NYAP2: variants seen among roughly 807,000 people sequenced by gnomAD.
The protein encoded by NYAP2 is neuronal tyrosine-phosphorylated phosphoinositide-3-kinase adapter 2.
Under a neutral mutation model 50.4 loss-of-function variants are expected in NYAP2, and 23 were observed. That is an observed-to-expected ratio of 0.46 (90% CI 0.33 to 0.65). The LOEUF is 0.65. Among genes scored for constraint, NYAP2 ranks in the 30% least tolerant of loss-of-function variants. NYAP2 has a pLI of 0.02. For synonymous variants in NYAP2, 394 were observed against 365.2 expected, an observed-to-expected ratio of 1.08 and a Z score of -0.90; for missense variants, 885 against 861.0, an observed-to-expected ratio of 1.03 and a Z score of -0.35.
Position 225,582,146 on chromosome 2 carries a change from C to T in NYAP2, c.729C>T (p.Pro243=). Residue 243 remains proline, a synonymous_variant, in exon 5 of 7, where the codon CCC becomes CCT. Coordinates refer to ENST00000636099, the Ensembl canonical transcript of NYAP2. This position sits in a 1 kb window ranked among gnomAD's most constrained non-coding sequence, Gnocchi z 7.0. ...CGGGAGACCCCGAGGAAGAGGAGCCCGTGTACATCGAGATGGTGGGGAACA... is the reference window on the plus strand; with the variant it reads ...CGGGAGACCCCGAGGAAGAGGAGCCTGTGTACATCGAGATGGTGGGGAACA... 5.0e-6 allele frequency: 8 copies of T among 1,613,950 alleles called. No homozygotes were observed. Among genetic ancestry groups the T allele is most frequent in the Non-Finnish European group, 5.9e-6 (7 of 1,179,836 alleles).
chr2:225,465,457 C>T (rs1689901453), intron 3 of NYAP2, among the ~76,000 whole-genome samples: 1 of 152,076 alleles, frequency 6.6e-6, no homozygotes. Context: ...TGGCTCATGC[C>T]TGTAATCACA....
intron 5 of NYAP2, among the ~76,000 whole-genome samples, chr2:225,594,072 G>A (rs1430562910): frequency 2.0e-5 from 3 of 152,012 alleles, no homozygotes; most frequent in Non-Finnish European, 4.4e-5. Context: ...AATCATCATC[G>A]GTTTCGGTAC....
chr2:225,626,330 A>G (rs900459725), intron 5 of NYAP2, among the ~76,000 whole-genome samples: 4 of 152,238 alleles, frequency 2.6e-5, no homozygotes, highest in African/African-American at 9.6e-5. Context: ...TGGCTAAGCT[A>G]GCACCTCGGG....
the NYAP2 span, among the ~76,000 whole-genome samples, chr2:225,665,086 T>C: frequency 2.0e-5 from 3 of 152,216 alleles, no homozygotes; most frequent in African/African-American, 7.2e-5. Context: ...TATAGAATTT[T>C]ACCTTTGCAA....
chr2:225,666,865 A>G, the NYAP2 span, among the ~76,000 whole-genome samples: 1 of 122,294 alleles, frequency 8.2e-6, no homozygotes, highest in African/African-American at 3.8e-5. Flanking sequence ...CACCCCCCCA[A>G]CACACACACA....
Position 225,549,785 on chromosome 2 carries a change from C to T in NYAP2, c.524-32156C>T, listed in dbSNP as rs143589246. ...TCACCTGAGGTCAGGAGTTCAAAACCACCCTGGCCAACATGGTGAAACCCC... is the reference window on the plus strand; with the variant it reads ...TCACCTGAGGTCAGGAGTTCAAAACTACCCTGGCCAACATGGTGAAACCCC... On this transcript the variant is annotated intron_variant, in intron 4 of 6. Transcript: ENST00000636099. 5.5e-3 allele frequency among the ~76,000 whole-genome samples: 835 copies of T among 152,070 alleles called. 11 individuals carry two copies. Among genetic ancestry groups the T allele is most frequent in the African/African-American group, 0.019 (802 of 41,470 alleles).
intron 3 of NYAP2, among the ~76,000 whole-genome samples, chr2:225,477,514 G>A (rs1237099412): frequency 6.6e-6 from 1 of 152,030 alleles, no homozygotes; most frequent in African/African-American, 2.4e-5. Context: ...GGGATTACAG[G>A]TGTGAGCCAC....
At chr2:225,700,305 A>ATG in the NYAP2 span, 11,431 of 151,010 alleles carry the variant, frequency 0.076, 488 homozygotes, top group East Asian at 0.24. Context: ...GCGTGCGTGC[A>ATG]TGTGTGTGTG....
intron 3 of NYAP2, among the ~76,000 whole-genome samples, chr2:225,446,240 CTCTCTCTA>C (rs1464859006): frequency 7.4e-5 from 8 of 108,354 alleles, no homozygotes; most frequent in African/African-American, 1.1e-4. Context: ...CTCTCTCTCT[CTCTCTCTA>C]TATATATATA....
At chr2:225,487,676 G>A (rs1690328506) in intron 3 of NYAP2, among the ~76,000 whole-genome samples, 1 of 152,084 alleles carries the variant, frequency 6.6e-6, no homozygotes, top group Non-Finnish European at 1.5e-5. Context: ...CAACCTGATA[G>A]ATTTTATTTA....
At chr2:225,640,333 A>G (rs1033905413) in intron 6 of NYAP2, among the ~76,000 whole-genome samples, 2 of 152,162 alleles carry the variant, frequency 1.3e-5, no homozygotes, top group Admixed American at 1.3e-4. Flanking sequence ...CATGTTACAC[A>G]TGTGTTTTTG....
At chr2:225,605,508 T>C (rs1430238756) in intron 5 of NYAP2, among the ~76,000 whole-genome samples, 1 of 152,152 alleles carries the variant, frequency 6.6e-6, no homozygotes, top group East Asian at 1.9e-4. Context: ...TTTTCATTTA[T>C]AGAGCAGCCT....
At chr2:225,431,277 G>C (rs1695361965) in intron 3 of NYAP2, among the ~76,000 whole-genome samples, 1 of 152,232 alleles carries the variant, frequency 6.6e-6, no homozygotes, top group Non-Finnish European at 1.5e-5. Context: ...ATATGCTGCT[G>C]TTGTAGAGAA....
intron 3 of NYAP2, among the ~76,000 whole-genome samples, chr2:225,452,274 G>C (rs1443944846): frequency 6.6e-6 from 1 of 152,102 alleles, no homozygotes; most frequent in Admixed American, 6.6e-5. Flanking sequence ...GCTGTTGTGG[G>C]CAAATGAGTT....
At chr2:225,683,992 T>C in the NYAP2 span, among the ~76,000 whole-genome samples, 1 of 152,188 alleles carries the variant, frequency 6.6e-6, no homozygotes, top group African/African-American at 2.4e-5. Context: ...AGTCAATTTA[T>C]GGGCAAAATT....
At chr2:225,459,630 ATTTATTTATTTAT>A (rs1047261114) in intron 3 of NYAP2, among the ~76,000 whole-genome samples, 2 of 151,728 alleles carry the variant, frequency 1.3e-5, no homozygotes, top group East Asian at 1.9e-4. Flanking sequence ...CTATTTATTT[ATTTATTTATTTAT>A]TTTATTTATT....
chr2:225,598,302 G>A (rs967576737), intron 5 of NYAP2, among the ~76,000 whole-genome samples: 2 of 151,964 alleles, frequency 1.3e-5, no homozygotes, highest in African/African-American at 2.4e-5. Context: ...TTTTTCAAAT[G>A]TAATTTTTAA....
intron 3 of NYAP2, among the ~76,000 whole-genome samples, chr2:225,438,786 C>T (rs933778193): frequency 1.2e-4 from 19 of 152,246 alleles, no homozygotes; most frequent in Admixed American, 5.2e-4. Context: ...GAATTACACA[C>T]GTCATACACC....
At chr2:225,598,359 C>T (rs910582563) in intron 5 of NYAP2, among the ~76,000 whole-genome samples, 10 of 151,952 alleles carry the variant, frequency 6.6e-5, no homozygotes, top group African/African-American at 1.9e-4. Context: ...AAAAATTTTG[C>T]TTCCAAAAAG....
Sources: allele counts gnomAD v4.1 joint callset (sites outside exome capture counted in the v4.1 genomes callset), GRCh38; gene constraint gnomAD v4.1.1; non-coding constraint Gnocchi (gnomAD v3.1); transcripts MANE v1.5; gene names NCBI Gene and HGNC (gene_info 2026-07-23, HGNC 2026-07-21).